The following HDAC3 variants were observed in gnomAD, a reference collection of about 807,000 sequenced individuals.
HDAC3 encodes the protein histone deacetylase 3, also known as SMAP45.
Under a neutral mutation model 62.3 loss-of-function variants are expected in HDAC3, and 21 were observed. The ratio of observed to expected loss-of-function variants is 0.34; its 90% CI spans 0.24 to 0.49. The LOEUF (loss-of-function observed/expected upper bound fraction) is 0.49, where lower values mean the gene tolerates loss of function less well. Among genes scored for constraint, HDAC3 ranks in the 20% least tolerant of loss-of-function variants. The pLI is 0.99. For synonymous variants in HDAC3, 198 were observed against 206.5 expected, an observed-to-expected ratio of 0.96 and a Z score of 0.35; for missense variants, 270 against 556.9, an observed-to-expected ratio of 0.48 and a Z score of 5.19.
intron 14 of HDAC3, among the ~76,000 whole-genome samples, chr5:141,623,380 T>C (rs888120979): frequency 1.6e-4 from 25 of 152,230 alleles, no homozygotes; most frequent in African/African-American, 6.0e-4. Context: ...GTGGGTGGCC[T>C]GACAGAGAGG....
At chr5:141,635,722 G>C (rs1016758371) in intron 2 of HDAC3, among the ~76,000 whole-genome samples, 6 of 152,126 alleles carry the variant, frequency 3.9e-5, no homozygotes, top group Non-Finnish European at 2.9e-5. Context: ...CTCTCGCCTC[G>C]GCCTCCCAAG....
intron 3 of HDAC3, among the ~76,000 whole-genome samples, chr5:141,633,825 C>CACA (rs1491173723): frequency 2.7e-5 from 2 of 74,010 alleles, no homozygotes; most frequent in African/African-American, 1.0e-4. Flanking sequence ...GACTCTGTCT[C>CACA]AAAAAAAAAA....
chr5:141,629,746 C>A lies in HDAC3; in HGVS notation c.421-7G>T, dbSNP rs1426363533. 1 of 1,614,090 alleles carries A rather than the reference C, an allele frequency of 6.2e-7. No homozygotes were observed. The highest frequency in any genetic ancestry group is 8.5e-7 in the Non-Finnish European group (1 of 1,179,970). ...CATAGCAGAAGCCAGAGGCCTATGG[C>A]AAGACAGTGGTCTCATAAAGAGAAG... On this transcript the variant is annotated splice_polypyrimidine_tract_variant and splice_region_variant and intron_variant, in intron 5 of 14. Coordinates refer to ENST00000305264, the MANE Select transcript of HDAC3 (RefSeq NM_003883.4). This position sits in a 1 kb window ranked among gnomAD's most constrained non-coding sequence, Gnocchi z 5.3.
chr5:141,630,003 G>T (rs1406769345), intron 4 of HDAC3, 41 bp downstream of exon 4: 2 of 1,612,366 alleles, frequency 1.2e-6, no homozygotes, highest in South Asian at 2.2e-5. Context: ...CGAGTCCAGG[G>T]ATCCAGAGGA....
At position 141,626,780 on chromosome 5, in the gene HDAC3, G is replaced by A. The variant is rs1562366743; in HGVS notation, c.831-497C>T. Among the ~76,000 whole-genome samples, 2 of 131,202 alleles carry A rather than the reference G, an allele frequency of 1.5e-5. No homozygotes were observed. The highest frequency in any genetic ancestry group is 3.2e-5 in the Non-Finnish European group (2 of 62,050). The allele number at this position is 131,202 out of a possible 152,430, so 86.1% of individuals were successfully genotyped here. On this transcript the variant is annotated intron_variant, in intron 10 of 14. Transcript: ENST00000305264. This position sits in a 1 kb window ranked among gnomAD's most constrained non-coding sequence, Gnocchi z 4.6. ...AAAAAACATATATATGTGTGTGTGT[G>A]TGTGTATATATATATATATACACAC...
intron 14 of HDAC3, among the ~76,000 whole-genome samples, chr5:141,624,222 C>T (rs932737893): frequency 7.3e-5 from 11 of 150,962 alleles, no homozygotes; most frequent in Non-Finnish European, 1.0e-4. Context: ...ACTTTCTGGA[C>T]GGCAATTTGG....
In HDAC3 at chr5:141,629,499, G is replaced by T; in HGVS notation, c.476+185C>A. 1.1e-6 allele frequency: 1 copy of T among 904,444 alleles called. No homozygotes were observed. Among genetic ancestry groups the T allele is most frequent in the East Asian group, 2.5e-5 (1 of 39,930 alleles). The allele number at this position is 904,444 out of a possible 1,614,324, so 56.0% of individuals were successfully genotyped here. A position where few individuals can be genotyped will look rare whatever the true frequency, so the allele number is the denominator to read the frequency against. On this transcript the variant is annotated intron_variant, in intron 6 of 14. Coordinates refer to ENST00000305264, the MANE Select transcript of HDAC3 (RefSeq NM_003883.4). This position sits in a 1 kb window ranked among gnomAD's most constrained non-coding sequence, Gnocchi z 5.3. ...GGCAGGGACAGGAGAGGGATATGCA[G>T]AGAAGGCTGAAATGTGAGCAGGCAG...
chr5:141,624,232 G>A (rs1452792129), intron 14 of HDAC3, among the ~76,000 whole-genome samples: 1 of 151,072 alleles, frequency 6.6e-6, no homozygotes, highest in Non-Finnish European at 1.5e-5. Context: ...CGGCAATTTG[G>A]CAGCAAATAT....
At position 141,636,768 on chromosome 5, in the gene HDAC3, A is replaced by T; in HGVS notation, c.23T>A (p.Phe8Tyr). ...GAAGTTGCCCACGTCGGGGTCGTAG[A>T]AATAGGCCACGGTCTTGGCCATGGT... Reference protein sequence around the residue: MAKTVAYFYDPDVGNFHY... With the variant: MAKTVAYYYDPDVGNFHY... The change falls in exon 1 of 15, where the codon TTC (phenylalanine) becomes TAC (tyrosine). Residue 8 changes from phenylalanine to tyrosine, a missense_variant. Physicochemically the swap from Phe to Tyr is conservative, Grantham distance 22 (BLOSUM62 3). Around this residue, in one of 5 missense-constraint regions of HDAC3, gnomAD observed 22 missense variants for 21.3 expected, o/e 1.03. Coordinates refer to ENST00000305264, the MANE Select transcript of HDAC3 (RefSeq NM_003883.4). 6.2e-7 allele frequency: 1 copy of T among 1,613,956 alleles called. No homozygotes were observed. The highest frequency in any genetic ancestry group is 8.5e-7 in the Non-Finnish European group (1 of 1,179,868).
rs894183462 is a variant in HDAC3 at position 141,629,481 on chromosome 5, A to T, written c.477-175T>A. 2.2e-5 allele frequency: 21 copies of T among 948,368 alleles called. No homozygotes were observed. Among genetic ancestry groups the T allele is most frequent in the South Asian group, 1.6e-4 (10 of 63,808 alleles). The allele number at this position is 948,368 out of a possible 1,614,324, so 58.7% of individuals were successfully genotyped here. On this transcript the variant is annotated intron_variant, in intron 6 of 14. Transcript: ENST00000305264. This position sits in a 1 kb window ranked among gnomAD's most constrained non-coding sequence, Gnocchi z 5.3. ...TCCAGCCTAGAGGCTAGAGGCAGGG[A>T]CAGGAGAGGGATATGCAGAGAAGGC... is the stretch of plus-strand genomic sequence containing the variant.
Position 141,625,497 on chromosome 5 carries a change from G to T in HDAC3, c.1060-132C>A. ...TACCTCTAGTTCAGGTCCCCCAACT[G>T]ATAGCTCTCCCTCCCCACCAACCCC... On this transcript the variant is annotated intron_variant, in intron 13 of 14. Coordinates refer to ENST00000305264, the MANE Select transcript of HDAC3 (RefSeq NM_003883.4). This position sits in a 1 kb window ranked among gnomAD's most constrained non-coding sequence, Gnocchi z 4.0. The T allele has an allele frequency of 8.6e-7, 1 of 1,156,588 alleles. No homozygotes were observed. Among genetic ancestry groups the T allele is most frequent in the Non-Finnish European group, 1.3e-6 (1 of 784,164 alleles). 71.6% of individuals were successfully genotyped at this position (1,156,588 alleles called of 1,614,324 possible).
At position 141,628,161 on chromosome 5, in the gene HDAC3, T is replaced by C; in HGVS notation, c.718A>G (p.Ile240Val). The C allele has an allele frequency of 6.2e-7, 1 of 1,614,136 alleles. No homozygotes were observed. The highest frequency in any genetic ancestry group is 8.5e-7 in the Non-Finnish European group (1 of 1,180,024). Residue 240 changes from isoleucine to valine, a missense_variant, in exon 9 of 15, where the codon ATC becomes GTC. Physicochemically the swap from Ile to Val is conservative, Grantham distance 29 (BLOSUM62 3). Around this residue, in one of 5 missense-constraint regions of HDAC3, gnomAD observed 156 missense variants for 383.9 expected, o/e 0.41. Coordinates refer to ENST00000305264, the MANE Select transcript of HDAC3 (RefSeq NM_003883.4). The surrounding 1 kb of genome is among the most constrained non-coding windows in gnomAD (Gnocchi z 4.7). ...QSYKHLFQPV[I>V]NQVVDFYQPT... ...TGGTAGAAGTCCACTACCTGGTTGATAACCGGCTGGAAAAGGTGCTTGTAA... is the reference window on the plus strand; with the variant it reads ...TGGTAGAAGTCCACTACCTGGTTGACAACCGGCTGGAAAAGGTGCTTGTAA...
Position 141,628,778 on chromosome 5 carries a change from T to A in HDAC3, c.611-139A>T, listed in dbSNP as rs1283567690. The A allele has an allele frequency of 4.6e-6, 3 of 650,636 alleles. No individual in the cohort carries two copies. The East Asian group carries it at 8.1e-5, about 18-fold the overall frequency. The allele number at this position is 650,636 out of a possible 1,614,324, so 40.3% of individuals were successfully genotyped here. On this transcript the variant is annotated intron_variant, in intron 7 of 14. Transcript: ENST00000305264. The surrounding 1 kb of genome is among the most constrained non-coding windows in gnomAD (Gnocchi z 4.7). Reference sequence around the variant, plus strand: ...AACTCCCTAGAGCCACTAAATCTCTTGCAGCTTGCATTCATTGGGCAAATA... The same window carrying A: ...AACTCCCTAGAGCCACTAAATCTCTAGCAGCTTGCATTCATTGGGCAAATA...
chr5:141,624,379 A>G, intron 14 of HDAC3, among the ~76,000 whole-genome samples: 2 of 129,024 alleles, frequency 1.6e-5, no homozygotes, highest in African/African-American at 3.1e-5. Flanking sequence ...TACCAAAAAA[A>G]AAAAAAAAAA....
At position 141,625,957 on chromosome 5, in the gene HDAC3, T is replaced by C. The variant is rs915980535; in HGVS notation, c.979+56A>G. On this transcript the variant is annotated intron_variant, in intron 12 of 14. Transcript: ENST00000305264. The surrounding 1 kb of genome is among the most constrained non-coding windows in gnomAD (Gnocchi z 4.0). ...CATGTGCCTTCAAACCAGGTCATTC[T>C]GGAATCTGGTGAGAATGGCCTTCCT... 9 of 1,504,396 alleles carry C rather than the reference T, an allele frequency of 6.0e-6. No individual in the cohort carries two copies. Among genetic ancestry groups the C allele is most frequent in the Middle Eastern group, 1.7e-4 (1 of 5,898 alleles). The allele number at this position is 1,504,396 out of a possible 1,614,324, so 93.2% of individuals were successfully genotyped here.
In HDAC3 at chr5:141,628,578, C is replaced by T; in HGVS notation, c.672G>A (p.Arg224=). Residue 224 remains arginine, a synonymous_variant, in exon 8 of 15, where the codon CGG becomes CGA. Transcript: ENST00000305264. The surrounding 1 kb of genome is among the most constrained non-coding windows in gnomAD (Gnocchi z 4.7). ...GRYYCLNVPL[R]DGIDDQSYKH... is the part of the protein sequence containing the mutation. The stretch of plus-strand genomic sequence containing the variant: ...ACTTACTCTGGTCATCAATGCCATC[C>T]CGCAGGGGCACGTTCAGACAGTAGT... The T allele has an allele frequency of 1.9e-6, 3 of 1,614,092 alleles. No homozygotes were observed. The highest frequency in any genetic ancestry group is 2.5e-6 in the Non-Finnish European group (3 of 1,179,970).
chr5:141,631,377 G>A (rs1231012464), intron 3 of HDAC3, among the ~76,000 whole-genome samples: 1 of 152,120 alleles, frequency 6.6e-6, no homozygotes, highest in African/African-American at 2.4e-5. Context: ...AAAAAATAAT[G>A]CAATTGTCAG....
In HDAC3 at chr5:141,628,061, C is replaced by T. The variant is rs1478825812; in HGVS notation, c.765+53G>A. The T allele has an allele frequency of 6.2e-7, 1 of 1,604,276 alleles. No homozygotes were observed. Among genetic ancestry groups the T allele is most frequent in the African/African-American group, 1.3e-5 (1 of 74,730 alleles). ...CTAAAGAACCTCCTCTTCCCTTGCT[C>T]TCTTTCCCCAAGCCCAGGCAGAACA... On this transcript the variant is annotated intron_variant, in intron 9 of 14. Transcript: ENST00000305264. The surrounding 1 kb of genome is among the most constrained non-coding windows in gnomAD (Gnocchi z 4.7).
chr5:141,628,273 T>C lies in HDAC3; in HGVS notation c.692-86A>G, dbSNP rs2099904725. On this transcript the variant is annotated intron_variant, in intron 8 of 14. Transcript: ENST00000305264. The surrounding 1 kb of genome is among the most constrained non-coding windows in gnomAD (Gnocchi z 4.7). Reference sequence around the variant, plus strand: ...AAGGAAAAAGGGGGTTGAGCGAGCATGTAGCCCAGGAAAGGGGCCACCCAA... The same window carrying C: ...AAGGAAAAAGGGGGTTGAGCGAGCACGTAGCCCAGGAAAGGGGCCACCCAA... 8.4e-7 allele frequency: 1 copy of C among 1,186,964 alleles called. No individual in the cohort carries two copies. Among genetic ancestry groups the C allele is most frequent in the Non-Finnish European group, 1.2e-6 (1 of 802,098 alleles). 73.5% of individuals were successfully genotyped at this position (1,186,964 alleles called of 1,614,324 possible). A position where few individuals can be genotyped will look rare whatever the true frequency, so the allele number is the denominator to read the frequency against.
Sources: allele counts gnomAD v4.1 joint callset (sites outside exome capture counted in the v4.1 genomes callset), GRCh38; gene constraint gnomAD v4.1.1; regional missense constraint gnomAD v4.1.1; non-coding constraint Gnocchi (gnomAD v3.1); transcripts MANE v1.5; gene names NCBI Gene and HGNC (gene_info 2026-07-23, HGNC 2026-07-21).